RBFOX1: variants seen among roughly 807,000 people sequenced by gnomAD.
RBFOX1 encodes RNA binding fox-1 homolog 1, also known as RNA binding protein fox-1 homolog 1.
Under a neutral mutation model 57.7 loss-of-function variants are expected in RBFOX1, and 8 were observed. The ratio of observed to expected loss-of-function variants is 0.14; its 90% CI spans 0.08 to 0.25. RBFOX1 has a LOEUF of 0.25. Ranked by LOEUF, RBFOX1 falls within the 10% of genes least tolerant of loss-of-function variation. RBFOX1 has a pLI of 1.00. For missense variants in RBFOX1, 611 were observed against 548.5 expected, an observed-to-expected ratio of 1.11 and a Z score of -1.14; for synonymous variants, 326 against 222.4, an observed-to-expected ratio of 1.47 and a Z score of -4.15.
chr16:7,442,957 A>G (rs370847372), intron 4 of RBFOX1, among the ~76,000 whole-genome samples: 2 of 152,292 alleles, frequency 1.3e-5, no homozygotes, highest in African/African-American at 2.4e-5. Context: ...CTCAAGCCAT[A>G]TTGGGGATTT....
At chr16:5,662,464 A>C (rs186347475) in intron 3 of RBFOX1, among the ~76,000 whole-genome samples, 2 of 152,338 alleles carry the variant, frequency 1.3e-5, no homozygotes, top group Middle Eastern at 3.4e-3. Flanking sequence ...TACACTCATA[A>C]GAAAATGAGA....
intron 3 of RBFOX1, among the ~76,000 whole-genome samples, chr16:6,811,177 G>C (rs1016305940): frequency 6.6e-6 from 1 of 152,162 alleles, no homozygotes; most frequent in Non-Finnish European, 1.5e-5. Flanking sequence ...AGTGATATGA[G>C]AGTTTGGAAA....
At chr16:7,211,310 T>G (rs2091086572) in intron 4 of RBFOX1, among the ~76,000 whole-genome samples, 2 of 145,058 alleles carry the variant, frequency 1.4e-5, no homozygotes, top group African/African-American at 5.2e-5. Flanking sequence ...GAGAATGGTG[T>G]GAACCTGGGA....
intron 3 of RBFOX1, among the ~76,000 whole-genome samples, chr16:6,679,894 T>A (rs1169629645): frequency 6.7e-6 from 1 of 148,984 alleles, no homozygotes; most frequent in Admixed American, 6.6e-5. Context: ...TTTTTTTTTT[T>A]TTTTTTTTTT....
intron 2 of RBFOX1, among the ~76,000 whole-genome samples, chr16:6,624,761 A>C (rs1292172639): frequency 6.6e-6 from 1 of 152,206 alleles, no homozygotes; most frequent in African/African-American, 2.4e-5. Flanking sequence ...TGCTGTTCTT[A>C]TGTCAAGTCA....
intron 2 of RBFOX1, among the ~76,000 whole-genome samples, chr16:6,534,221 A>G (rs1489550641): frequency 2.6e-5 from 4 of 152,182 alleles, no homozygotes. Flanking sequence ...TCCAGCAATA[A>G]AAAGAAATGA....
chr16:7,342,317 A>C (rs1269777696), intron 4 of RBFOX1, among the ~76,000 whole-genome samples: 1 of 152,132 alleles, frequency 6.6e-6, no homozygotes, highest in Non-Finnish European at 1.5e-5. Context: ...CTGGGCTTCC[A>C]ACTCAGATCT....
chr16:5,832,505 G>A (rs1015775460), intron 3 of RBFOX1, among the ~76,000 whole-genome samples: 1 of 152,212 alleles, frequency 6.6e-6, no homozygotes, highest in African/African-American at 2.4e-5. Flanking sequence ...GCTGTTTCAA[G>A]GGTTATTTTA....
chr16:7,519,600 T>C (rs2077090068), intron 5 of RBFOX1: 1 of 539,656 alleles, frequency 1.9e-6, no homozygotes, highest in Non-Finnish European at 2.4e-6. Context: ...CCACCTAAAG[T>C]AATCATGCAT....
At chr16:5,908,197 C>CACATATATACAT (rs1555443850) in intron 4 of RBFOX1, among the ~76,000 whole-genome samples, 20 of 110,542 alleles carry the variant, frequency 1.8e-4, no homozygotes, top group African/African-American at 6.2e-4. Flanking sequence ...CACATATATA[C>CACATATATACAT]ATATACACAC....
chr16:7,295,761 G>T (rs1387449156), intron 4 of RBFOX1, among the ~76,000 whole-genome samples: 1 of 152,014 alleles, frequency 6.6e-6, no homozygotes, highest in East Asian at 1.9e-4. Context: ...ATACCCCATC[G>T]CAACTCCATA....
intron 3 of RBFOX1, among the ~76,000 whole-genome samples, chr16:5,711,102 G>A (rs1048607224): frequency 6.6e-6 from 1 of 152,192 alleles, no homozygotes; most frequent in African/African-American, 2.4e-5. Flanking sequence ...AGTAATGATT[G>A]CATAATTGCA....
chr16:6,149,199 T>A (rs2096780339), intron 1 of RBFOX1, among the ~76,000 whole-genome samples: 1 of 152,172 alleles, frequency 6.6e-6, no homozygotes, highest in Non-Finnish European at 1.5e-5. Flanking sequence ...ATTAAGTTCT[T>A]TGTGTGTGTA....
intron 3 of RBFOX1, among the ~76,000 whole-genome samples, chr16:6,682,336 C>A (rs972631288): frequency 1.3e-5 from 2 of 152,112 alleles, no homozygotes; most frequent in African/African-American, 2.4e-5. Context: ...TAGAGGCGCC[C>A]CTTGTGCTTG....
intron 3 of RBFOX1, among the ~76,000 whole-genome samples, chr16:5,757,835 A>G (rs2053454170): frequency 6.6e-6 from 1 of 152,152 alleles, no homozygotes; most frequent in South Asian, 2.1e-4. Context: ...TTCTGGGCTC[A>G]TGCTTCTACT....
At chr16:7,608,316 T>A (rs2056753861) in intron 10 of RBFOX1, among the ~76,000 whole-genome samples, 1 of 152,228 alleles carries the variant, frequency 6.6e-6, no homozygotes, top group African/African-American at 2.4e-5. Flanking sequence ...CACAGAAAAC[T>A]TAGCTACTCT....
At chr16:6,711,007 C>G (rs117462721) in intron 3 of RBFOX1, among the ~76,000 whole-genome samples, 3,000 of 152,194 alleles carry the variant, frequency 0.02, 36 homozygotes, top group Non-Finnish European at 0.032. Context: ...TGGCACATAC[C>G]CATTGCAAGT....
intron 7 of RBFOX1, among the ~76,000 whole-genome samples, chr16:7,589,396 G>C (rs548082981): frequency 3.7e-4 from 56 of 152,300 alleles, no homozygotes; most frequent in African/African-American, 1.3e-3. Context: ...CTGTTTTTAA[G>C]ACATCTTCCG....
intron 3 of RBFOX1, among the ~76,000 whole-genome samples, chr16:6,877,210 C>T (rs577720539): frequency 6.6e-6 from 1 of 152,302 alleles, no homozygotes; most frequent in South Asian, 2.1e-4. Context: ...GTGCATTTAA[C>T]ATTTTTAATA....
Sources: gnomAD v4.1 joint callset for allele counts (sites outside exome capture counted in the v4.1 genomes callset) on GRCh38, gnomAD v4.1.1 for gene constraint, MANE v1.5 for transcripts, NCBI Gene and HGNC (gene_info 2026-07-23, HGNC 2026-07-21) for gene names.